Variants in PCNX2 observed in about 807,000 individuals in gnomAD.
The protein encoded by PCNX2 is pecanex 2.
A neutral mutation model predicts 223.8 loss-of-function variants in PCNX2; 168 were observed. The ratio of observed to expected loss-of-function variants is 0.75; its 90% CI spans 0.66 to 0.85. PCNX2 has a LOEUF of 0.85. PCNX2 is among the 40% of genes least tolerant of loss of function. PCNX2 has a pLI of 0.00. For synonymous variants in PCNX2, 1,006 were observed against 1,052.6 expected, an observed-to-expected ratio of 0.96 and a Z score of 0.86; for missense variants, 2,507 against 2,675.5, an observed-to-expected ratio of 0.94 and a Z score of 1.39.
At chr1:233,082,622 C>T (rs1172601564) in intron 23 of PCNX2, among the ~76,000 whole-genome samples, 3 of 152,094 alleles carry the variant, frequency 2.0e-5, no homozygotes, top group Non-Finnish European at 4.4e-5. Flanking sequence ...TACTATTAAC[C>T]CATAAGCCAG....
At chr1:233,172,593 AC>A (rs1679219769) in intron 17 of PCNX2, 1 of 964,048 alleles carries the variant, frequency 1.0e-6, no homozygotes, top group South Asian at 4.8e-5. Context: ...GGCATTGGAC[AC>A]CCACCTGGGC....
In PCNX2 at chr1:233,054,444, T is replaced by C; in HGVS notation, c.4175A>G (p.His1392Arg). 6.2e-7 allele frequency: 1 copy of C among 1,613,772 alleles called. No homozygotes were observed. Among genetic ancestry groups the C allele is most frequent in the Non-Finnish European group, 8.5e-7 (1 of 1,179,766 alleles). Residue 1392 changes from histidine to arginine, a missense_variant, in exon 25 of 34, where the codon CAC becomes CGC. This residue lies in a region of PCNX2 where 1,372 missense variants were observed against 1,509.4 expected (regional missense o/e 0.91). Coordinates refer to ENST00000258229, the MANE Select transcript of PCNX2 (RefSeq NM_014801.4). ...GGACTCCTGGAGGGTCCTTGTCAAG[T>C]GTTCATAAAAAATGGAATTGAGATT... ...DNNLNSIFYE[H>R]LTRTLQESLC...
intron 19 of PCNX2, among the ~76,000 whole-genome samples, chr1:233,151,980 C>A (rs1003878941): frequency 2.0e-5 from 3 of 152,240 alleles, no homozygotes; most frequent in African/African-American, 7.2e-5. Context: ...CTGATTTCCA[C>A]TTTTCTTTTT....
intron 1 of PCNX2, among the ~76,000 whole-genome samples, chr1:233,279,389 TTGTGTGTGTGTGTGTG>T (rs57288356): frequency 1.4e-5 from 2 of 142,592 alleles, no homozygotes; most frequent in Non-Finnish European, 1.5e-5. Flanking sequence ...TAATTTGTGT[TTGTGTGTGTGTGTGTG>T]TGTGTGTGTG....
At position 233,290,427 on chromosome 1, in the gene PCNX2, T is replaced by C. The variant is rs570760539; in HGVS notation, c.153+4899A>G. The stretch of plus-strand genomic sequence containing the variant: ...TAAAGCAAGTAGAGTAAAATGTTCA[T>C]GGGGTAAACTCAAAGTGCTATGTAT... On this transcript the variant is annotated intron_variant, in intron 1 of 33. Coordinates refer to ENST00000258229, the MANE Select transcript of PCNX2 (RefSeq NM_014801.4). 2.0e-5 allele frequency among the ~76,000 whole-genome samples: 3 copies of C among 152,302 alleles called. No homozygotes were observed. In the South Asian group the frequency reaches 6.2e-4, roughly 32 times the overall value.
At chr1:233,003,285 C>T (rs1028037484) in intron 28 of PCNX2, among the ~76,000 whole-genome samples, 2 of 152,128 alleles carry the variant, frequency 1.3e-5, no homozygotes, top group South Asian at 2.1e-4. Context: ...CCAGAATCTA[C>T]AAGGAACTTA....
At chr1:233,285,337 G>T (rs1183585591) in intron 1 of PCNX2, among the ~76,000 whole-genome samples, 1 of 151,916 alleles carries the variant, frequency 6.6e-6, no homozygotes, top group African/African-American at 2.4e-5. Context: ...GAGTGACAAT[G>T]AACCCTATCT....
chr1:233,103,069 A>G (rs1166846290), intron 21 of PCNX2, among the ~76,000 whole-genome samples: 1 of 152,098 alleles, frequency 6.6e-6, no homozygotes, highest in Non-Finnish European at 1.5e-5. Context: ...ATAGGATGAA[A>G]CTAGATGTTT....
intron 33 of PCNX2, chr1:232,985,134 T>TA (rs1319076433): frequency 6.6e-6 from 1 of 152,194 alleles, no homozygotes; most frequent in Non-Finnish European, 1.5e-5. Context: ...GGAAAGCCCA[T>TA]AAATCTCCCC....
intron 19 of PCNX2, among the ~76,000 whole-genome samples, chr1:233,159,653 G>C (rs1332674437): frequency 1.3e-5 from 2 of 152,194 alleles, no homozygotes; most frequent in African/African-American, 4.8e-5. Context: ...AGATCTAGCA[G>C]AAAAATTTCT....
chr1:233,161,336 C>G lies in PCNX2; in HGVS notation c.3301G>C (p.Val1101Leu). ...VTDVLKWDLI[V>L]CAVVAVLSFA... ...GAGAGGACAGCAACCACTGCGCAGA[C>G]GATGAGATCCCATTTTAAGACATCC... The change falls in exon 18 of 34, where the codon GTC becomes CTC. Residue 1101 changes from valine to leucine, a missense_variant. By Grantham distance (32) the Val-to-Leu change is conservative. Around this residue, in one of 3 missense-constraint regions of PCNX2, gnomAD observed 1,372 missense variants for 1,509.4 expected, o/e 0.91. Coordinates refer to ENST00000258229, the MANE Select transcript of PCNX2 (RefSeq NM_014801.4). The G allele has an allele frequency of 6.2e-7, 1 of 1,613,826 alleles. No individual in the cohort carries two copies. The highest frequency in any genetic ancestry group is 8.5e-7 in the Non-Finnish European group (1 of 1,179,832).
At chr1:233,277,805 T>C (rs1660992341) in intron 1 of PCNX2, among the ~76,000 whole-genome samples, 1 of 151,876 alleles carries the variant, frequency 6.6e-6, no homozygotes, top group African/African-American at 2.4e-5. Context: ...GTGCCTTGAC[T>C]CTCCACAGGA....
chr1:233,106,823 C>T (rs1387464675), intron 21 of PCNX2, among the ~76,000 whole-genome samples: 1 of 152,132 alleles, frequency 6.6e-6, no homozygotes, highest in Non-Finnish European at 1.5e-5. Flanking sequence ...CCTCCTGTCC[C>T]TCTAATCTTC....
At chr1:233,228,820 C>G (rs114702655) in intron 9 of PCNX2, among the ~76,000 whole-genome samples, 1 of 152,224 alleles carries the variant, frequency 6.6e-6, no homozygotes. Context: ...TTTGGATATA[C>G]ACTCAGAAAT....
At chr1:233,202,554 T>C (rs1325833670) in intron 13 of PCNX2, among the ~76,000 whole-genome samples, 2 of 152,206 alleles carry the variant, frequency 1.3e-5, no homozygotes, top group South Asian at 4.1e-4. Flanking sequence ...ATTGTGTGTC[T>C]TCAATGTGCC....
chr1:233,149,887 T>TA (rs1677691958), intron 19 of PCNX2, among the ~76,000 whole-genome samples: 1 of 86,952 alleles, frequency 1.2e-5, no homozygotes, highest in Non-Finnish European at 2.3e-5. Flanking sequence ...TAAGCCTCAA[T>TA]TTATATATAT....
chr1:233,281,450 T>C (rs151257197), intron 1 of PCNX2, among the ~76,000 whole-genome samples: 107 of 151,964 alleles, frequency 7.0e-4, no homozygotes, highest in African/African-American at 2.4e-3. Context: ...AAGAAATGCG[T>C]AAGGTCCTTC....
At chr1:233,064,797 T>C (rs1672530781) in intron 23 of PCNX2, among the ~76,000 whole-genome samples, 1 of 152,176 alleles carries the variant, frequency 6.6e-6, no homozygotes, top group African/African-American at 2.4e-5. Context: ...TGAGATTATC[T>C]AGTCTGCTAC....
At chr1:233,010,097 T>A (rs1209467988) in intron 28 of PCNX2, among the ~76,000 whole-genome samples, 2 of 152,262 alleles carry the variant, frequency 1.3e-5, no homozygotes, top group Non-Finnish European at 2.9e-5. Flanking sequence ...GTTTCCTTAG[T>A]CTGGCAAGTG....
Sources: allele counts gnomAD v4.1 joint callset (sites outside exome capture counted in the v4.1 genomes callset), GRCh38; gene constraint gnomAD v4.1.1; regional missense constraint gnomAD v4.1.1; transcripts MANE v1.5; gene names NCBI Gene and HGNC (gene_info 2026-07-23, HGNC 2026-07-21).